Variants in SYMPK observed in about 807,000 individuals in gnomAD.
The protein encoded by SYMPK is symplekin scaffold protein.
A neutral mutation model predicts 136.4 loss-of-function variants in SYMPK; 49 were observed. The ratio of observed to expected loss-of-function variants is 0.36; its 90% CI spans 0.29 to 0.46. SYMPK has a LOEUF of 0.46. Ranked by LOEUF, SYMPK falls within the 20% of genes least tolerant of loss-of-function variation. The pLI is 1.00. For missense variants in SYMPK, 1,365 were observed against 1,690.0 expected (o/e 0.81, Z 3.37); for synonymous variants, 766 against 713.0 (o/e 1.07, Z -1.19).
intron 23 of SYMPK, among the ~76,000 whole-genome samples, chr19:45,817,522 C>T (rs10401439): frequency 0.34 from 50,494 of 149,010 alleles, 8,737 homozygotes; most frequent in Admixed American, 0.44. Context: ...GCCCCAAACT[C>T]CTGGGCTCAA....
At chr19:45,841,864 G>A (rs1320226078) in intron 9 of SYMPK, among the ~76,000 whole-genome samples, 2 of 151,558 alleles carry the variant, frequency 1.3e-5, no homozygotes, top group East Asian at 3.9e-4. Context: ...CTTGGGAGAG[G>A]GATAAGAGGG....
chr19:45,823,988 T>G (rs1970974654), intron 18 of SYMPK, 113 bp from the exon 19 acceptor site: 8 of 627,614 alleles, frequency 1.3e-5, no homozygotes, highest in East Asian at 3.6e-5. Context: ...GAGACTGAGG[T>G]GACAGGGTTT....
chr19:45,839,675 T>A (rs1971389926), intron 9 of SYMPK, among the ~76,000 whole-genome samples: 2 of 151,482 alleles, frequency 1.3e-5, no homozygotes, highest in Non-Finnish European at 2.9e-5. Context: ...CTAAAAAAAA[T>A]ACAAAAAATT....
Position 45,854,408 on chromosome 19 carries a change from T to G in SYMPK, c.88A>C (p.Met30Leu), listed in dbSNP as rs1490615660. ...TQEEGPGIDG[M>L]TTSERVVDLL... is the part of the protein sequence containing the mutation. Reference sequence around the variant, plus strand: ...ACGCTCACCCTCTCTGAGGTGGTCATGCCATCGATGCCCGGCCCCTCCTCT... The same window carrying G: ...ACGCTCACCCTCTCTGAGGTGGTCAGGCCATCGATGCCCGGCCCCTCCTCT... The change falls in exon 2 of 27, where the codon ATG becomes CTG. Residue 30 changes from methionine to leucine, a missense_variant. Physicochemically the swap from Met to Leu is conservative, Grantham distance 15. Around this residue, in one of 11 missense-constraint regions of SYMPK, gnomAD observed 61 missense variants for 80.7 expected, o/e 0.76. Transcript: ENST00000245934. 16 of 1,614,158 alleles carry G rather than the reference T, an allele frequency of 9.9e-6. No homozygotes were observed. Among genetic ancestry groups the G allele is most frequent in the Non-Finnish European group, 1.4e-5 (16 of 1,180,006 alleles).
chr19:45,827,696 C>T, intron 15 of SYMPK, 73 bp from the exon 16 acceptor site: 1 of 1,517,494 alleles, frequency 6.6e-7, no homozygotes, highest in Non-Finnish European at 9.2e-7. Flanking sequence ...TCCTGCCTGC[C>T]TCTGATCAGG....
Position 45,829,130 on chromosome 19 carries a change from G to A in SYMPK, c.1825C>T (p.Leu609=). 1 of 1,614,224 alleles carries A rather than the reference G, an allele frequency of 6.2e-7. No homozygotes were observed. Among genetic ancestry groups the A allele is most frequent in the Non-Finnish European group, 8.5e-7 (1 of 1,180,046 alleles). The stretch of plus-strand genomic sequence containing the variant: ...TCCAGGCGGGCCCGCACATCCTCCA[G>A]GATGAAGGACAGGACCTCCGCCTTC... ...GLKAEVLSFI[L]EDVRARLDLA... Residue 609 remains leucine (L), a synonymous_variant, in exon 14 of 27, where the codon CTG becomes TTG. Transcript: ENST00000245934.
At chr19:45,815,823 C>T (rs778091015) in intron 26 of SYMPK, 28 bp downstream of exon 26, 3 of 1,608,068 alleles carry the variant, frequency 1.9e-6, no homozygotes, top group Non-Finnish European at 2.5e-6. Context: ...CCGGCTTCTT[C>T]CTTCGCAGCG....
chr19:45,833,209 A>T (rs575625534), intron 11 of SYMPK, among the ~76,000 whole-genome samples: 2 of 151,160 alleles, frequency 1.3e-5, no homozygotes, highest in African/African-American at 2.4e-5. Context: ...ATCTCAAAAA[A>T]ATAAATAAAT....
intron 10 of SYMPK, 101 bp from the exon 11 acceptor site, chr19:45,835,329 C>G: frequency 5.0e-6 from 6 of 1,196,308 alleles, no homozygotes; most frequent in African/African-American, 1.5e-5. Context: ...TGCCTAAGAC[C>G]GACTTGGGCC....
Position 45,844,122 on chromosome 19 carries a change from T to C in SYMPK, c.755A>G (p.Asn252Ser). The change falls in exon 8 of 27, where the codon AAC (asparagine) becomes AGC (serine). Residue 252 changes from asparagine (N) to serine (S), a missense_variant. Physicochemically the swap from Asn to Ser is conservative, Grantham distance 46. This residue lies in a region of SYMPK where 237 missense variants were observed against 292.9 expected (regional missense o/e 0.81). Transcript: ENST00000245934. Reference sequence around the variant, plus strand: ...AAGGGAGCCCAGCGCTGTGGTCAGGTTGATGGAGGAGATGGCAGGGTGCAC... The same window carrying C: ...AAGGGAGCCCAGCGCTGTGGTCAGGCTGATGGAGGAGATGGCAGGGTGCAC... ...FMVHPAISSINLTTALGSLAN... is the reference protein window; with the variant it reads ...FMVHPAISSISLTTALGSLAN... 2 of 1,612,182 alleles carry C rather than the reference T, an allele frequency of 1.2e-6. No individual in the cohort carries two copies. The highest frequency in any genetic ancestry group is 2.2e-5 in the East Asian group (1 of 44,752).
At position 45,825,259 on chromosome 19, in the gene SYMPK, TTC is replaced by T; in HGVS notation, c.2400_2401del (p.Asn801ProfsTer13). On this transcript the variant is annotated frameshift_variant, in exon 18 of 27. Coordinates refer to ENST00000245934, the MANE Select transcript of SYMPK (RefSeq NM_004819.3). LOFTEE classifies it high-confidence loss of function. ...CGCCAGTTCGTGGATCAGCTTGTGG[TTC>T]TGAGGCAGGAGGGCCAGGTAGAGGT... is the stretch of plus-strand genomic sequence containing the variant. The T allele has an allele frequency of 6.2e-7, 1 of 1,614,146 alleles. No homozygotes were observed. Among genetic ancestry groups the T allele is most frequent in the East Asian group, 2.2e-5 (1 of 44,878 alleles).
At chr19:45,818,462 G>A (rs1970807999) in intron 22 of SYMPK, among the ~76,000 whole-genome samples, 1 of 152,126 alleles carries the variant, frequency 6.6e-6, no homozygotes, top group African/African-American at 2.4e-5. Flanking sequence ...AGCCCTGGGG[G>A]AGTGGCAGGG....
chr19:45,834,287 CA>C (rs1041025819), intron 11 of SYMPK, among the ~76,000 whole-genome samples: 1 of 150,726 alleles, frequency 6.6e-6, no homozygotes, highest in Non-Finnish European at 1.5e-5. Flanking sequence ...GACTGTGTCT[CA>C]AAAAACAAAA....
At chr19:45,844,574 C>T (rs1468413791) in intron 7 of SYMPK, among the ~76,000 whole-genome samples, 1 of 151,920 alleles carries the variant, frequency 6.6e-6, no homozygotes, top group African/African-American at 2.4e-5. Context: ...ACTTGGGAGG[C>T]TGAGGCAGGA....
chr19:45,816,021 AGG>A lies in SYMPK; in HGVS notation c.3515_3516del (p.Pro1172LeufsTer14). On this transcript the variant is annotated frameshift_variant, in exon 26 of 27. Transcript: ENST00000245934. LOFTEE classifies it high-confidence loss of function. ...GGVGAPSSSS[P>X]SPSPSARPGP... The stretch of plus-strand genomic sequence containing the variant: ...CCTGGCCGGGCCGACGGAGAGGGAG[AGG>A]GGGAGGAAGAGGAGGGGGCTCCCAC... 6.3e-7 allele frequency: 1 copy of A among 1,591,794 alleles called. No homozygotes were observed. The highest frequency in any genetic ancestry group is 8.6e-7 in the Non-Finnish European group (1 of 1,169,354).
chr19:45,857,234 C>A (rs1971843601), intron 1 of SYMPK, among the ~76,000 whole-genome samples: 1 of 151,124 alleles, frequency 6.6e-6, no homozygotes, highest in African/African-American at 2.4e-5. Flanking sequence ...AAGGTGAAAC[C>A]CCGTCTCTTC....
rs746756773 is a variant in SYMPK at position 45,815,512 on chromosome 19, C to G, written c.*48G>C. ...ACCCGCAGGTCAAGCCCCGCCCCGT[C>G]CCCCAGCCCCGAGTCCCTGTCCCAC... On this transcript the variant is annotated 3_prime_UTR_variant, in exon 27 of 27. Transcript: ENST00000245934. The G allele has an allele frequency of 1.6e-5, 14 of 861,482 alleles. No homozygotes were observed. Among genetic ancestry groups the G allele is most frequent in the Middle Eastern group, 3.7e-4 (1 of 2,736 alleles). 53.4% of individuals were successfully genotyped at this position (861,482 alleles called of 1,614,324 possible). A position where few individuals can be genotyped will look rare whatever the true frequency, so the allele number is the denominator to read the frequency against.
intron 1 of SYMPK, among the ~76,000 whole-genome samples, chr19:45,858,074 C>T (rs1480866856): frequency 6.6e-6 from 1 of 152,172 alleles, no homozygotes; most frequent in Non-Finnish European, 1.5e-5. Flanking sequence ...GCTGGGATTA[C>T]AGGTGTGAGC....
Position 45,816,837 on chromosome 19 carries a change from C to A in SYMPK, c.3219G>T (p.Glu1073Asp). The part of the protein sequence containing the change: ...AVFDKCPELR[E>D]PLLAHVRSFT... ...AGGAGCGGACATGGGCCAGCAGGGG[C>A]TCCCGGAGCTCTGGGCACTTGTCAA... Residue 1073 changes from glutamate to aspartate, a missense_variant, in exon 24 of 27, where the codon GAG becomes GAT. This residue lies in a region of SYMPK where 341 missense variants were observed against 270.5 expected (regional missense o/e 1.26). Coordinates refer to ENST00000245934, the MANE Select transcript of SYMPK (RefSeq NM_004819.3). 4 of 1,545,978 alleles carry A rather than the reference C, an allele frequency of 2.6e-6. No homozygotes were observed. The South Asian group carries it at 4.8e-5, about 18-fold the overall frequency.
Sources: gnomAD v4.1 joint callset for allele counts (sites outside exome capture counted in the v4.1 genomes callset) on GRCh38, gnomAD v4.1.1 for gene constraint, gnomAD v4.1.1 regional missense constraint, MANE v1.5 for transcripts, NCBI Gene and HGNC (gene_info 2026-07-23, HGNC 2026-07-21) for gene names.